DENND1A: variants seen among roughly 807,000 people sequenced by gnomAD.
The protein encoded by DENND1A is DENN domain-containing protein 1A.
DENND1A carries 51 observed loss-of-function variants against 113.7 expected under a neutral mutation model. The ratio of observed to expected loss-of-function variants is 0.45; its 90% CI spans 0.36 to 0.57. The LOEUF (loss-of-function observed/expected upper bound fraction) is 0.57. DENND1A is among the 20% of genes least tolerant of loss of function. The pLI, the probability that DENND1A is intolerant of heterozygous loss-of-function variation, is 0.00. For synonymous variants in DENND1A, 565 were observed against 570.8 expected (o/e 0.99, Z 0.14); for missense variants, 1,258 against 1,395.9 (o/e 0.90, Z 1.57).
At chr9:123,858,552 C>T (rs1844613323) in intron 2 of DENND1A, among the ~76,000 whole-genome samples, 1 of 152,062 alleles carries the variant, frequency 6.6e-6, no homozygotes, top group East Asian at 1.9e-4. Flanking sequence ...TTAGGATCGG[C>T]GTTTCCATTT....
chr9:123,386,845 C>A (rs937407842), intron 22 of DENND1A, among the ~76,000 whole-genome samples: 5 of 152,172 alleles, frequency 3.3e-5, no homozygotes, highest in Non-Finnish European at 7.3e-5. Context: ...AACCCACAGG[C>A]CATCCCAGGG....
chr9:123,923,171 A>G (rs1444838739), intron 1 of DENND1A, among the ~76,000 whole-genome samples: 5 of 152,234 alleles, frequency 3.3e-5, no homozygotes. Flanking sequence ...ATACTTTCCT[A>G]GAGCAATACT....
intron 9 of DENND1A, among the ~76,000 whole-genome samples, chr9:123,644,458 C>A (rs2062202033): frequency 1.4e-5 from 2 of 147,044 alleles, no homozygotes; most frequent in African/African-American, 4.9e-5. Context: ...CAGCACCTAG[C>A]TCCACTAGTT....
chr9:123,924,164 G>T (rs1385216660), intron 1 of DENND1A, among the ~76,000 whole-genome samples: 1 of 152,172 alleles, frequency 6.6e-6, no homozygotes, highest in Non-Finnish European at 1.5e-5. Flanking sequence ...AGCCACGCAG[G>T]ACGGGTTATA....
At chr9:123,895,979 AC>A (rs1428186695) in intron 1 of DENND1A, among the ~76,000 whole-genome samples, 1 of 152,150 alleles carries the variant, frequency 6.6e-6, no homozygotes, top group Admixed American at 6.5e-5. Context: ...ACCAGTTCAA[AC>A]ACAAGCAGGC....
intron 6 of DENND1A, among the ~76,000 whole-genome samples, chr9:123,671,734 C>T (rs964949878): frequency 6.6e-6 from 1 of 152,218 alleles, no homozygotes; most frequent in Non-Finnish European, 1.5e-5. Context: ...GGAGAAATAA[C>T]GATGACACTA....
intron 5 of DENND1A, among the ~76,000 whole-genome samples, chr9:123,719,541 G>A (rs767884942): frequency 2.6e-5 from 4 of 152,082 alleles, no homozygotes; most frequent in Non-Finnish European, 5.9e-5. Flanking sequence ...ATTAATCCTC[G>A]TTTTAAAGAG....
At chr9:123,649,136 C>A (rs1397023884) in intron 9 of DENND1A, among the ~76,000 whole-genome samples, 1 of 152,040 alleles carries the variant, frequency 6.6e-6, no homozygotes, top group Admixed American at 6.5e-5. Context: ...TATGTAAAAC[C>A]CTATGGGGGT....
intron 5 of DENND1A, among the ~76,000 whole-genome samples, chr9:123,682,815 C>G (rs2064557815): frequency 6.6e-6 from 1 of 152,138 alleles, no homozygotes; most frequent in Non-Finnish European, 1.5e-5. Context: ...GCTTCCTGTC[C>G]CCCTTGGCAA....
At chr9:123,854,611 C>CT (rs1414476390) in intron 2 of DENND1A, among the ~76,000 whole-genome samples, 1 of 151,764 alleles carries the variant, frequency 6.6e-6, no homozygotes, top group Non-Finnish European at 1.5e-5. Flanking sequence ...AGGAGAATCA[C>CT]TTGAACCCAG....
rs558333735 is a variant in DENND1A at position 123,863,867 on chromosome 9, A to C, written c.88+15084T>G. ...AGTATGGGCACAAGAACTATATCCG[A>C]AGATCCTGACTTTAGGTTCATAGTC... On this transcript the variant is annotated intron_variant, in intron 2 of 23. Coordinates refer to ENST00000394215, the MANE Select transcript of DENND1A (RefSeq NM_001352964.2). 5.3e-5 allele frequency among the ~76,000 whole-genome samples: 8 copies of C among 152,290 alleles called. No homozygotes were observed. In the East Asian group the frequency reaches 1.2e-3, roughly 22 times the overall value.
chr9:123,715,589 T>G lies in DENND1A; in HGVS notation c.303-38800A>C, dbSNP rs2066918753. The stretch of plus-strand genomic sequence containing the variant: ...TGTTAAGCAGCAACTAAACTAAATC[T>G]AACCTAAAGTACTCAGACTCCAGGA... On this transcript the variant is annotated intron_variant, in intron 5 of 23. Transcript: ENST00000394215. Among the ~76,000 whole-genome samples, 5 of 152,352 alleles carry G rather than the reference T, an allele frequency of 3.3e-5. No individual in the cohort carries two copies. The South Asian group carries it at 1.0e-3, about 32-fold the overall frequency.
intron 5 of DENND1A, among the ~76,000 whole-genome samples, chr9:123,742,988 C>T (rs1160163520): frequency 6.6e-6 from 1 of 152,178 alleles, no homozygotes; most frequent in Non-Finnish European, 1.5e-5. Context: ...AATATTTTTA[C>T]ATCAATGGTG....
chr9:123,896,115 G>A (rs760202964), intron 1 of DENND1A, among the ~76,000 whole-genome samples: 12 of 151,948 alleles, frequency 7.9e-5, no homozygotes, highest in Non-Finnish European at 1.5e-4. Context: ...CTGGTTAGCA[G>A]AGCAAGACCC....
chr9:123,617,281 C>A (rs557284142), intron 10 of DENND1A, among the ~76,000 whole-genome samples: 1 of 152,208 alleles, frequency 6.6e-6, no homozygotes, highest in African/African-American at 2.4e-5. Flanking sequence ...GCAGAGATGG[C>A]CTAGTTTCCA....
chr9:123,896,556 T>C (rs1290801708), intron 1 of DENND1A, among the ~76,000 whole-genome samples: 2 of 152,054 alleles, frequency 1.3e-5, no homozygotes, highest in Non-Finnish European at 2.9e-5. Context: ...AAATAAAAGA[T>C]GGCAGAGTCA....
intron 2 of DENND1A, among the ~76,000 whole-genome samples, chr9:123,827,924 G>A (rs1341283059): frequency 6.6e-6 from 1 of 152,102 alleles, no homozygotes; most frequent in African/African-American, 2.4e-5. Flanking sequence ...TCTGGAGGAG[G>A]ATAATATTAC....
intron 2 of DENND1A, among the ~76,000 whole-genome samples, chr9:123,862,747 C>CA (rs1444265880): frequency 1.3e-5 from 2 of 152,106 alleles, no homozygotes; most frequent in Non-Finnish European, 2.9e-5. Context: ...AAGGCAGTAC[C>CA]AAAGATTTGG....
intron 3 of DENND1A, among the ~76,000 whole-genome samples, chr9:123,784,970 C>T (rs908935637): frequency 6.6e-6 from 1 of 152,100 alleles, no homozygotes; most frequent in Admixed American, 6.6e-5. Context: ...GTCAGTTCAA[C>T]CCCATCCCAT....
Sources: gnomAD v4.1 joint callset for allele counts (sites outside exome capture counted in the v4.1 genomes callset) on GRCh38, gnomAD v4.1.1 for gene constraint, MANE v1.5 for transcripts, NCBI Gene and HGNC (gene_info 2026-07-23, HGNC 2026-07-21) for gene names.